ABCA12: variants seen among roughly 807,000 people sequenced by gnomAD.
The protein encoded by ABCA12 is ATP binding cassette subfamily A member 12, also known as glucosylceramide transporter ABCA12.
In ABCA12, 156 loss-of-function variants were observed where a neutral mutation model predicts 293.5. The observed-to-expected ratio is 0.53, with a 90% CI of 0.47 to 0.61. The LOEUF (loss-of-function observed/expected upper bound fraction) is 0.61. Among genes scored for constraint, ABCA12 ranks in the 20% least tolerant of loss-of-function variants. The probability of loss-of-function intolerance (pLI) is 0.00; values close to 1 mark genes in which losing one functional copy is unlikely to be tolerated. For synonymous variants in ABCA12, 1,063 were observed against 1,108.0 expected, an observed-to-expected ratio of 0.96 and a Z score of 0.81; for missense variants, 2,797 against 3,090.2, an observed-to-expected ratio of 0.91 and a Z score of 2.25.
intron 3 of ABCA12, among the ~76,000 whole-genome samples, chr2:215,060,917 G>A (rs1256808537): frequency 6.6e-6 from 1 of 152,040 alleles, no homozygotes; most frequent in Non-Finnish European, 1.5e-5. Flanking sequence ...ATGAATGAGT[G>A]TCAACAGAAA....
At chr2:214,940,370 A>G (rs1274317973) in intron 50 of ABCA12, among the ~76,000 whole-genome samples, 1 of 152,124 alleles carries the variant, frequency 6.6e-6, no homozygotes. Flanking sequence ...GTTTGCCAGT[A>G]TTTTACTGAG....
At chr2:215,032,717 A>T (rs1285546988) in intron 8 of ABCA12, 1 of 147,612 alleles carries the variant, frequency 6.8e-6, no homozygotes, top group Non-Finnish European at 1.5e-5. Flanking sequence ...TAGGGAAATG[A>T]TATCACTTAT....
intron 2 of ABCA12, among the ~76,000 whole-genome samples, chr2:215,081,447 C>T (rs1478397715): frequency 7.5e-6 from 1 of 132,976 alleles, no homozygotes; most frequent in African/African-American, 2.9e-5. Flanking sequence ...CCACTGCACT[C>T]CAGCCTGGGC....
chr2:215,058,905 T>G (rs1281637691), intron 3 of ABCA12, among the ~76,000 whole-genome samples: 3 of 152,052 alleles, frequency 2.0e-5, no homozygotes, highest in Non-Finnish European at 2.9e-5. Flanking sequence ...ATAGTTACGT[T>G]CAGGAAATGT....
At chr2:214,965,774 CTGTT>C (rs753871520) in intron 39 of ABCA12, among the ~76,000 whole-genome samples, 4 of 152,104 alleles carry the variant, frequency 2.6e-5, no homozygotes, top group Admixed American at 6.6e-5. Context: ...CACTTTTACA[CTGTT>C]TGTTAGTAAG....
chr2:215,080,047 G>A (rs1473309778), intron 2 of ABCA12, among the ~76,000 whole-genome samples: 1 of 151,982 alleles, frequency 6.6e-6, no homozygotes, highest in Non-Finnish European at 1.5e-5. Context: ...TGCTATATAC[G>A]GTAATTAGAG....
chr2:215,024,026 G>A (rs953709165), intron 11 of ABCA12, among the ~76,000 whole-genome samples: 5 of 152,280 alleles, frequency 3.3e-5, no homozygotes, highest in Admixed American at 1.3e-4. Context: ...ACACATGACT[G>A]CAGATACCCC....
chr2:215,058,991 G>A (rs1475340172), intron 3 of ABCA12, among the ~76,000 whole-genome samples: 9 of 152,028 alleles, frequency 5.9e-5, no homozygotes, highest in Admixed American at 1.3e-4. Flanking sequence ...AGTAGGAAAC[G>A]TCACTACCTG....
chr2:214,963,605 CAAAAAAAA>C (rs57895778), intron 39 of ABCA12, among the ~76,000 whole-genome samples: 13 of 70,188 alleles, frequency 1.9e-4, no homozygotes, highest in Non-Finnish European at 2.7e-4. Flanking sequence ...GCAGAGATAC[CAAAAAAAA>C]AAAAAAAAAA....
At position 215,007,713 on chromosome 2, in the gene ABCA12, G is replaced by T; in HGVS notation, c.2592+14C>A. The T allele has an allele frequency of 6.2e-7, 1 of 1,613,824 alleles. No homozygotes were observed. Among genetic ancestry groups the T allele is most frequent in the Non-Finnish European group, 8.5e-7 (1 of 1,179,840 alleles). Reference sequence around the variant, plus strand: ...CAAATTCCTACTAAGTTGAATGACAGAAGCATCTCATACCTGGAGCATTGG... The same window carrying T: ...CAAATTCCTACTAAGTTGAATGACATAAGCATCTCATACCTGGAGCATTGG... On this transcript the variant is annotated intron_variant, in intron 19 of 52. Transcript: ENST00000272895.
intron 2 of ABCA12, among the ~76,000 whole-genome samples, chr2:215,073,761 G>A (rs974024489): frequency 6.6e-5 from 10 of 152,168 alleles, no homozygotes; most frequent in Non-Finnish European, 1.3e-4. Context: ...AGGCATCTAG[G>A]AGTTAACTCA....
chr2:215,089,492 C>T (rs1391133674), intron 2 of ABCA12, among the ~76,000 whole-genome samples: 3 of 152,192 alleles, frequency 2.0e-5, no homozygotes, highest in African/African-American at 7.2e-5. Context: ...CATCAATTTA[C>T]TTCTGTGTGA....
chr2:215,031,859 A>T lies in ABCA12; in HGVS notation c.1023T>A (p.Asp341Glu), dbSNP rs1469800725. ...TGCTTGGAGATAAGGTCTGTCCATCATCCTCATTCCACACATGCGTTATAT... is the reference window on the plus strand; with the variant it reads ...TGCTTGGAGATAAGGTCTGTCCATCTTCCTCATTCCACACATGCGTTATAT... ...SDNITHVWNE[D>E]DGQTLSPSSL... The change falls in exon 9 of 53, where the codon GAT becomes GAA. Residue 341 changes from aspartate to glutamate, a missense_variant. By Grantham distance (45) the Asp-to-Glu change is conservative. Transcript: ENST00000272895. The T allele has an allele frequency of 2.5e-6, 4 of 1,613,910 alleles. No individual in the cohort carries two copies. Among genetic ancestry groups the T allele is most frequent in the Admixed American group, 3.3e-5 (2 of 60,008 alleles).
chr2:215,137,706 T>C (rs938223124), intron 1 of ABCA12, among the ~76,000 whole-genome samples: 6 of 152,250 alleles, frequency 3.9e-5, no homozygotes, highest in African/African-American at 1.4e-4. Flanking sequence ...GTATTTTACC[T>C]TTCAACCAAA....
intron 20 of ABCA12, among the ~76,000 whole-genome samples, chr2:215,003,254 G>A (rs1477833611): frequency 6.6e-6 from 1 of 152,164 alleles, no homozygotes; most frequent in Non-Finnish European, 1.5e-5. Flanking sequence ...GACACAGCCT[G>A]AATTAGATGT....
intron 2 of ABCA12, among the ~76,000 whole-genome samples, chr2:215,096,657 C>T (rs1306282006): frequency 6.6e-6 from 1 of 152,160 alleles, no homozygotes; most frequent in African/African-American, 2.4e-5. Context: ...TTTGTTTCTC[C>T]AATTACATTA....
intron 2 of ABCA12, among the ~76,000 whole-genome samples, chr2:215,086,374 C>T (rs1316486297): frequency 1.3e-5 from 2 of 152,204 alleles, no homozygotes; most frequent in Non-Finnish European, 2.9e-5. Context: ...TAGGAGAATT[C>T]AAGCCAGCGA....
Position 215,083,876 on chromosome 2 carries a change from A to T in ABCA12, c.164-19657T>A, listed in dbSNP as rs533588033. Among the ~76,000 whole-genome samples the T allele has an allele frequency of 1.8e-4, 28 of 152,244 alleles. No individual in the cohort carries two copies. In the East Asian group the frequency reaches 5.0e-3, roughly 27 times the overall value. On this transcript the variant is annotated intron_variant, in intron 2 of 52. Coordinates refer to ENST00000272895, the MANE Select transcript of ABCA12 (RefSeq NM_173076.3). ...GCTACCATTAATCCATCAAAATATC[A>T]TTTGGTATGGTTTGGTCTTTGTGAT...
rs777504430 is a variant in ABCA12, at chr2:214,955,204, G to A, written c.6391C>T (p.Pro2131Ser). 3.1e-6 allele frequency: 5 copies of A among 1,613,872 alleles called. No individual in the cohort carries two copies. Among genetic ancestry groups the A allele is most frequent in the African/African-American group, 1.3e-5 (1 of 74,902 alleles). The change falls in exon 43 of 53, where the codon CCG becomes TCG. Residue 2131 changes from proline to serine, a missense_variant and splice_region_variant. This residue lies in a region of ABCA12 where 2,130 missense variants were observed against 2,427.0 expected (regional missense o/e 0.88). Coordinates refer to ENST00000272895, the MANE Select transcript of ABCA12 (RefSeq NM_173076.3). ...TTCACTGAAATAAGGGACCTTACCG[G>A]ATCATTAGGCTTTTCCTTGGAAAGA... ...YFLSKEKPND[P>S]TLELISETLK...
Sources: gnomAD v4.1 joint callset for allele counts (sites outside exome capture counted in the v4.1 genomes callset) on GRCh38, gnomAD v4.1.1 for gene constraint, gnomAD v4.1.1 regional missense constraint, MANE v1.5 for transcripts, NCBI Gene and HGNC (gene_info 2026-07-23, HGNC 2026-07-21) for gene names.